The following BICC1 variants were observed in gnomAD, a reference collection of about 807,000 sequenced individuals.
BICC1 encodes the protein protein bicaudal C homolog 1.
In BICC1, 43 loss-of-function variants were observed where a neutral mutation model predicts 111.0. That is an observed-to-expected ratio of 0.39 (90% confidence interval 0.30 to 0.50). BICC1 has a LOEUF of 0.50. Ranked by LOEUF, BICC1 falls within the 20% of genes least tolerant of loss-of-function variation. The pLI, the probability that BICC1 is intolerant of heterozygous loss-of-function variation, is 0.88. For synonymous variants in BICC1, 467 were observed against 434.4 expected (o/e 1.07, Z -0.93); for missense variants, 1,091 against 1,203.2 (o/e 0.91, Z 1.38).
rs1486318229 is a variant in BICC1 at position 58,703,120 on chromosome 10, GA to G, written c.307+978del. On this transcript the variant is annotated intron_variant, in intron 3 of 20. Coordinates refer to ENST00000373886, the MANE Select transcript of BICC1 (RefSeq NM_001080512.3). ...GTTATTTAGTGAGTGTTGTTAGCTG[GA>G]CTTGAATTGACTGGAATTCCTGTAG... 5.3e-5 allele frequency among the ~76,000 whole-genome samples: 8 copies of G among 149,586 alleles called. No homozygotes were observed. The South Asian group carries it at 1.3e-3, about 24-fold the overall frequency.
chr10:58,603,451 G>C (rs868302244), intron 1 of BICC1, among the ~76,000 whole-genome samples: 18 of 152,130 alleles, frequency 1.2e-4, no homozygotes, highest in Admixed American at 2.6e-4. Flanking sequence ...AATTCAGTGG[G>C]ATCTGTGGGT....
intron 4 of BICC1, 48 bp downstream of exon 4, chr10:58,785,128 A>C: frequency 5.3e-6 from 6 of 1,134,002 alleles, no homozygotes; most frequent in Non-Finnish European, 7.6e-6. Context: ...TGTCTCTACA[A>C]GGGCTACTTC....
At chr10:58,767,330 A>G (rs1842484213) in intron 3 of BICC1, among the ~76,000 whole-genome samples, 1 of 152,176 alleles carries the variant, frequency 6.6e-6, no homozygotes, top group Non-Finnish European at 1.5e-5. Flanking sequence ...ACACAATCTT[A>G]AGAATTACCT....
Position 58,817,613 on chromosome 10 carries a change from C to T in BICC1, c.2585C>T (p.Thr862Ile), listed in dbSNP as rs985774550. 3.1e-6 allele frequency: 5 copies of T among 1,613,480 alleles called. No individual in the cohort carries two copies. In the African/African-American group the frequency reaches 6.7e-5, roughly 22 times the overall value. Residue 862 changes from threonine (T) to isoleucine (I), a missense_variant, in exon 19 of 21, where the codon ACA becomes ATA. Thr to Ile is a moderately conservative substitution (Grantham distance 89). Around this residue, in one of 3 missense-constraint regions of BICC1, gnomAD observed 231 missense variants for 256.2 expected, o/e 0.90. Coordinates refer to ENST00000373886, the MANE Select transcript of BICC1 (RefSeq NM_001080512.3). ...SNYMDCISSL[T>I]GSNGCNLNSS... ...TACATGGACTGCATTTCCTCGCTGA[C>T]AGGAAGCAATGGCTGTAACTTAAAT...
chr10:58,515,871 A>T (rs1193026926), intron 1 of BICC1, among the ~76,000 whole-genome samples: 1 of 152,226 alleles, frequency 6.6e-6, no homozygotes, highest in Non-Finnish European at 1.5e-5. Flanking sequence ...ATTATTAATA[A>T]TAAATATTGC....
chr10:58,523,708 A>G (rs550810110), intron 1 of BICC1, among the ~76,000 whole-genome samples: 69 of 152,272 alleles, frequency 4.5e-4, no homozygotes, highest in African/African-American at 1.5e-3. Context: ...GGCCAGGGCA[A>G]TCAGGCAGGA....
At chr10:58,768,415 A>G (rs1842518209) in intron 3 of BICC1, among the ~76,000 whole-genome samples, 1 of 152,200 alleles carries the variant, frequency 6.6e-6, no homozygotes, top group Non-Finnish European at 1.5e-5. Context: ...AAAAGCTAAG[A>G]GAGTTCATCA....
chr10:58,638,278 A>G (rs957656345), intron 2 of BICC1, among the ~76,000 whole-genome samples: 4 of 152,134 alleles, frequency 2.6e-5, no homozygotes, highest in African/African-American at 9.7e-5. Context: ...AATGTTATAG[A>G]AAATAACATC....
chr10:58,568,601 C>T (rs1843844587), intron 1 of BICC1, among the ~76,000 whole-genome samples: 1 of 152,114 alleles, frequency 6.6e-6, no homozygotes, highest in African/African-American at 2.4e-5. Flanking sequence ...AACTAGTGCC[C>T]AGAACGCCCA....
intron 3 of BICC1, among the ~76,000 whole-genome samples, chr10:58,780,124 A>G (rs1040588661): frequency 2.0e-5 from 3 of 152,166 alleles, no homozygotes; most frequent in Non-Finnish European, 4.4e-5. Context: ...TCAGAAGTAA[A>G]GCGCTTTTGG....
intron 2 of BICC1, among the ~76,000 whole-genome samples, chr10:58,625,118 G>A (rs1007407117): frequency 2.0e-5 from 3 of 152,140 alleles, no homozygotes; most frequent in African/African-American, 7.2e-5. Context: ...GGCGGGAATG[G>A]ATATAACTTT....
intron 3 of BICC1, among the ~76,000 whole-genome samples, chr10:58,781,182 T>G (rs911103033): frequency 6.6e-6 from 1 of 152,134 alleles, no homozygotes; most frequent in East Asian, 1.9e-4. Flanking sequence ...ATCTGACAGT[T>G]TTTTTGTATT....
At chr10:58,580,945 TG>T (rs887580676) in intron 1 of BICC1, among the ~76,000 whole-genome samples, 57 of 152,302 alleles carry the variant, frequency 3.7e-4, no homozygotes, top group African/African-American at 1.4e-3. Flanking sequence ...TGACAACCTT[TG>T]TATTTTATTT....
intron 2 of BICC1, among the ~76,000 whole-genome samples, chr10:58,633,364 A>T (rs1396820341): frequency 1.3e-5 from 2 of 152,240 alleles, no homozygotes; most frequent in Non-Finnish European, 2.9e-5. Context: ...GATGAGAATT[A>T]AAAATGATAG....
chr10:58,715,524 G>A (rs978462255), intron 3 of BICC1: 23 of 1,332,256 alleles, frequency 1.7e-5, no homozygotes, highest in Non-Finnish European at 2.2e-5. Context: ...GGTTTCCCTC[G>A]GCGTGCCACT....
intron 2 of BICC1, among the ~76,000 whole-genome samples, chr10:58,684,894 GT>G (rs1281506922): frequency 6.6e-6 from 1 of 151,798 alleles, no homozygotes; most frequent in Non-Finnish European, 1.5e-5. Context: ...TCTGATCTTA[GT>G]TATTGCCTTC....
intron 2 of BICC1, among the ~76,000 whole-genome samples, chr10:58,632,083 A>G (rs1484348399): frequency 2.0e-5 from 3 of 152,146 alleles, no homozygotes; most frequent in African/African-American, 7.2e-5. Flanking sequence ...TGTAGTTGGA[A>G]AGTGGGTATG....
intron 2 of BICC1, among the ~76,000 whole-genome samples, chr10:58,672,276 C>T (rs568022155): frequency 1.3e-5 from 2 of 152,226 alleles, no homozygotes; most frequent in African/African-American, 4.8e-5. Context: ...TAGCAACCAC[C>T]ATTCTACTTT....
intron 2 of BICC1, among the ~76,000 whole-genome samples, chr10:58,639,757 C>T (rs555249456): frequency 2.6e-4 from 30 of 117,512 alleles, no homozygotes; most frequent in African/African-American, 7.4e-4. Context: ...CAGGGTCCTT[C>T]GTCTCCCAGG....
Sources: allele counts gnomAD v4.1 joint callset (sites outside exome capture counted in the v4.1 genomes callset), GRCh38; gene constraint gnomAD v4.1.1; regional missense constraint gnomAD v4.1.1; transcripts MANE v1.5; gene names NCBI Gene and HGNC (gene_info 2026-07-23, HGNC 2026-07-21).